The following SHANK2 variants were observed in gnomAD, a reference collection of about 807,000 sequenced individuals.
The protein encoded by SHANK2 is SH3 and multiple ankyrin repeat domains 2.
Under a neutral mutation model 133.7 loss-of-function variants are expected in SHANK2, and 43 were observed. The observed-to-expected ratio is 0.32, with a 90% CI of 0.25 to 0.41. The LOEUF (loss-of-function observed/expected upper bound fraction) is 0.41. SHANK2 is among the 10% of genes least tolerant of loss of function. The pLI is 1.00. For missense variants in SHANK2, 1,994 were observed against 2,235.8 expected, an observed-to-expected ratio of 0.89 and a Z score of 2.18; for synonymous variants, 1,017 against 952.8, an observed-to-expected ratio of 1.07 and a Z score of -1.24.
chr11:70,480,048 G>T (rs1555151130), intron 25 of SHANK2, among the ~76,000 whole-genome samples: 3 of 152,140 alleles, frequency 2.0e-5, no homozygotes, highest in Non-Finnish European at 4.4e-5. Context: ...AGGAAACAAA[G>T]TCTGGTCATG....
rs535449160 is a variant in SHANK2, at chr11:71,118,750, A to G, written c.411+79T>C. 93 of 1,257,582 alleles carry G rather than the reference A, an allele frequency of 7.4e-5. 1 individual carries two copies. In the South Asian group the frequency reaches 1.3e-3, roughly 17 times the overall value. 77.9% of individuals were successfully genotyped at this position (1,257,582 alleles called of 1,614,324 possible). The stretch of plus-strand genomic sequence containing the variant: ...ATGCAAATGGAATTGGTCTCGCCCC[A>G]CCACCATGTCTCCCCCACCCACCAT... On this transcript the variant is annotated intron_variant, in intron 4 of 25. Transcript: ENST00000601538.
intron 14 of SHANK2, among the ~76,000 whole-genome samples, chr11:70,716,768 C>T (rs1591780056): frequency 6.6e-6 from 1 of 152,194 alleles, no homozygotes; most frequent in Non-Finnish European, 1.5e-5. Context: ...AGCGGGGAGA[C>T]TGGGCAGGGG....
chr11:70,759,231 C>T (rs567629642), intron 14 of SHANK2, among the ~76,000 whole-genome samples: 1 of 151,662 alleles, frequency 6.6e-6, no homozygotes, highest in African/African-American at 2.4e-5. Context: ...CAGTGGCTCA[C>T]ACCTGTAATC....
chr11:70,594,132 A>T (rs546358029), intron 17 of SHANK2, among the ~76,000 whole-genome samples: 1 of 152,282 alleles, frequency 6.6e-6, no homozygotes, highest in Non-Finnish European at 1.5e-5. Context: ...GCCTCAGCTG[A>T]CTTTATAAAC....
chr11:70,879,766 G>A (rs750072837), intron 11 of SHANK2, among the ~76,000 whole-genome samples: 3 of 152,270 alleles, frequency 2.0e-5, no homozygotes, highest in South Asian at 2.1e-4. Flanking sequence ...GGACACCGGC[G>A]GTGGGACCCT....
intron 20 of SHANK2, among the ~76,000 whole-genome samples, chr11:70,501,216 C>G (rs1555158383): frequency 1.1e-4 from 16 of 152,258 alleles, no homozygotes. Context: ...TCCTCAGACT[C>G]TAGCCCCAGA....
chr11:71,203,174 G>A lies in SHANK2; in HGVS notation c.-13+21523C>T, dbSNP rs570056291. Among the ~76,000 whole-genome samples, 13 of 152,240 alleles carry A rather than the reference G, an allele frequency of 8.5e-5. No homozygotes were observed. In the South Asian group the frequency reaches 1.5e-3, roughly 17 times the overall value. On this transcript the variant is annotated intron_variant, in intron 2 of 25. Coordinates refer to ENST00000601538, the MANE Select transcript of SHANK2 (RefSeq NM_012309.5). The stretch of plus-strand genomic sequence containing the variant: ...TAATGACCATCTGTGAGGGGGAGGC[G>A]CAGGGTCTAGGGAGATGTGCCCCAA...
intron 8 of SHANK2, among the ~76,000 whole-genome samples, chr11:71,083,981 G>GA (rs1395099291): frequency 3.3e-5 from 5 of 149,794 alleles, no homozygotes; most frequent in East Asian, 2.0e-4. Flanking sequence ...CTTTTTTTTG[G>GA]GGGGGGGAGA....
chr11:71,199,473 G>C (rs1177058321), intron 2 of SHANK2, among the ~76,000 whole-genome samples: 1 of 152,232 alleles, frequency 6.6e-6, no homozygotes, highest in African/African-American at 2.4e-5. Flanking sequence ...TCAAAATGAA[G>C]GTTGCAGTCA....
In SHANK2 at chr11:71,147,228, G is replaced by C. The variant is rs1392856209; in HGVS notation, c.99C>G (p.Ile33Met). The C allele has an allele frequency of 6.4e-7, 1 of 1,550,986 alleles. No homozygotes were observed. Among genetic ancestry groups the C allele is most frequent in the East Asian group, 2.4e-5 (1 of 40,918 alleles). The stretch of plus-strand genomic sequence containing the variant: ...CCGCAGTGGCCCGGATCGTGTCATA[G>C]ATGGTCTCTTCTTTGGAGCTGTCTG... ...SESDSSKEET[I>M]YDTIRATAEK... The change falls in exon 3 of 26, where the codon ATC (isoleucine) becomes ATG (methionine). Residue 33 changes from isoleucine to methionine, a missense_variant. Physicochemically the swap from Ile to Met is conservative, Grantham distance 10. Transcript: ENST00000601538.
At chr11:70,832,107 GCT>G (rs1465100536) in intron 11 of SHANK2, among the ~76,000 whole-genome samples, 7 of 152,212 alleles carry the variant, frequency 4.6e-5, no homozygotes, top group Non-Finnish European at 1.0e-4. Flanking sequence ...AGTCCCATGA[GCT>G]CTCTGTGCCT....
Position 70,502,821 on chromosome 11 carries a change from G to A in SHANK2, c.2172C>T (p.Asp724=). The A allele has an allele frequency of 6.2e-7, 1 of 1,613,278 alleles. No individual in the cohort carries two copies. Among genetic ancestry groups the A allele is most frequent in the South Asian group, 1.1e-5 (1 of 91,022 alleles). The change falls in exon 18 of 26, where the codon GAC becomes GAT. Residue 724 remains aspartate (D), a synonymous_variant. Transcript: ENST00000601538. The part of the protein sequence containing the change: ...LKVVTVTRNL[D]PDDTARKKAP... ...CTTTCTTCCTGGCGGTGTCGTCGGG[G>A]TCCAGATTCCTGGTCACCGTGACCA... is the stretch of plus-strand genomic sequence containing the variant.
At chr11:70,766,941 C>T (rs186211897) in intron 14 of SHANK2, among the ~76,000 whole-genome samples, 7 of 152,308 alleles carry the variant, frequency 4.6e-5, no homozygotes, top group Non-Finnish European at 8.8e-5. Flanking sequence ...AGCTGGTTAG[C>T]GCTCCTTAGA....
chr11:70,643,109 C>T (rs1234402153), intron 17 of SHANK2, among the ~76,000 whole-genome samples: 2 of 152,182 alleles, frequency 1.3e-5, no homozygotes, highest in Admixed American at 1.3e-4. Flanking sequence ...CTGTGACTCA[C>T]CCTCCACCCA....
intron 15 of SHANK2, among the ~76,000 whole-genome samples, chr11:70,670,277 AAAGAGGATCCTCCAGGG>A (rs1430809006): frequency 2.0e-5 from 3 of 152,226 alleles, no homozygotes; most frequent in Non-Finnish European, 4.4e-5. Flanking sequence ...ACTATATTAG[AAAGAGGATCCTCCAGGG>A]AACGGTGATG....
intron 14 of SHANK2, among the ~76,000 whole-genome samples, chr11:70,790,267 A>AG (rs1165801287): frequency 6.6e-6 from 1 of 152,128 alleles, no homozygotes; most frequent in Non-Finnish European, 1.5e-5. Context: ...CCAGTAGGGG[A>AG]GGTGGGCACT....
rs114514356 is a variant in SHANK2 at position 70,529,186 on chromosome 11, T to C, written c.2062-26255A>G. Reference sequence around the variant, plus strand: ...ATGTGGCACCAGCTCAGGACCCATGTCATGCTAGGAAACCATCATGGCACC... The same window carrying C: ...ATGTGGCACCAGCTCAGGACCCATGCCATGCTAGGAAACCATCATGGCACC... On this transcript the variant is annotated intron_variant, in intron 17 of 25. Transcript: ENST00000601538. Among the ~76,000 whole-genome samples the C allele has an allele frequency of 3.8e-3, 581 of 152,284 alleles. 5 individuals carry two copies. Among genetic ancestry groups the C allele is most frequent in the African/African-American group, 0.014 (562 of 41,570 alleles).
intron 17 of SHANK2, among the ~76,000 whole-genome samples, chr11:70,509,424 A>G (rs1305097790): frequency 7.1e-6 from 1 of 140,706 alleles, no homozygotes; most frequent in Non-Finnish European, 1.6e-5. Flanking sequence ...AATGGCCTCA[A>G]GTCCCATTTA....
At chr11:71,062,628 G>A (rs1951000974) in intron 9 of SHANK2, among the ~76,000 whole-genome samples, 1 of 151,982 alleles carries the variant, frequency 6.6e-6, no homozygotes, top group South Asian at 2.1e-4. Flanking sequence ...GAATATGAGA[G>A]CCCTGCTCAG....
Sources: gnomAD v4.1 joint callset for allele counts (sites outside exome capture counted in the v4.1 genomes callset) on GRCh38, gnomAD v4.1.1 for gene constraint, MANE v1.5 for transcripts, NCBI Gene and HGNC (gene_info 2026-07-23, HGNC 2026-07-21) for gene names.